The following DARS1 variants were observed in gnomAD, a reference collection of about 807,000 sequenced individuals.
The protein encoded by DARS1 is aspartyl-tRNA synthetase 1, also known as aspartate--tRNA ligase, cytoplasmic.
DARS1 carries 51 observed loss-of-function variants against 68.8 expected under a neutral mutation model. The observed-to-expected ratio is 0.74, with a 90% confidence interval of 0.59 to 0.94. The LOEUF (loss-of-function observed/expected upper bound fraction) is 0.94, where lower values mean the gene tolerates loss of function less well. Among genes scored for constraint, DARS1 ranks in the 40% least tolerant of loss-of-function variants. DARS1 has a pLI of 0.00. For missense variants in DARS1, 607 were observed against 597.3 expected (o/e 1.02, Z -0.17); for synonymous variants, 203 against 190.4 (o/e 1.07, Z -0.55).
At position 135,980,703 on chromosome 2, in the gene DARS1, T is replaced by C. The variant is rs150675561; in HGVS notation, c.125-1337A>G. On this transcript the variant is annotated intron_variant, in intron 2 of 15. Coordinates refer to ENST00000264161, the MANE Select transcript of DARS1 (RefSeq NM_001349.4). ...AGACAGACACATCAGCAGAAGATTTTAAAAGGCAGATTTGAAAATGCCAAG... is the reference window on the plus strand; with the variant it reads ...AGACAGACACATCAGCAGAAGATTTCAAAAGGCAGATTTGAAAATGCCAAG... Among the ~76,000 whole-genome samples, 821 of 152,306 alleles carry C rather than the reference T, an allele frequency of 5.4e-3. 7 individuals carry two copies. The highest frequency in any genetic ancestry group is 0.018 in the African/African-American group (762 of 41,558).
At chr2:135,966,656 C>T (rs1057208585) in intron 3 of DARS1, among the ~76,000 whole-genome samples, 4 of 152,128 alleles carry the variant, frequency 2.6e-5, no homozygotes, top group Non-Finnish European at 5.9e-5. Context: ...CTCAGTCTCT[C>T]GAGTAGCTGG....
At chr2:135,928,736 T>A (rs189388348) in intron 7 of DARS1, among the ~76,000 whole-genome samples, 27 of 150,332 alleles carry the variant, frequency 1.8e-4, no homozygotes, top group African/African-American at 6.1e-4. Context: ...AATGGCGTGA[T>A]CTTGGATCAC....
intron 9 of DARS1, 48 bp downstream of exon 9, chr2:135,922,733 ACTG>A: frequency 6.8e-7 from 1 of 1,460,020 alleles, no homozygotes; most frequent in Non-Finnish European, 9.0e-7. Context: ...TAAAATTATA[ACTG>A]CTGTATAATT....
At chr2:135,941,669 T>G (rs1438092135) in intron 5 of DARS1, among the ~76,000 whole-genome samples, 1 of 150,586 alleles carries the variant, frequency 6.6e-6, no homozygotes, top group Non-Finnish European at 1.5e-5. Flanking sequence ...GGGATCTAAT[T>G]AAACTAAAGA....
intron 9 of DARS1, among the ~76,000 whole-genome samples, chr2:135,920,810 A>G (rs543375248): frequency 1.3e-5 from 2 of 152,104 alleles, no homozygotes; most frequent in Non-Finnish European, 2.9e-5. Context: ...TAAAAGCCGT[A>G]CCAAATGTAA....
In DARS1 at chr2:135,979,148, T is replaced by C. The variant is rs1682564074; in HGVS notation, c.217+126A>G. 4.7e-6 allele frequency: 3 copies of C among 642,590 alleles called. No individual in the cohort carries two copies. In the South Asian group the frequency reaches 5.9e-5, roughly 13 times the overall value. The allele number at this position is 642,590 out of a possible 1,614,324, so 39.8% of individuals were successfully genotyped here. A position where few individuals can be genotyped will look rare whatever the true frequency, so the allele number is the denominator to read the frequency against. On this transcript the variant is annotated intron_variant, in intron 3 of 15. Coordinates refer to ENST00000264161, the MANE Select transcript of DARS1 (RefSeq NM_001349.4). Reference sequence around the variant, plus strand: ...CATGGGTTAATACTTTACAGTGACTTTTAAGAAAGAAAAGTTACATGTTTT... The same window carrying C: ...CATGGGTTAATACTTTACAGTGACTCTTAAGAAAGAAAAGTTACATGTTTT...
intron 7 of DARS1, among the ~76,000 whole-genome samples, chr2:135,928,301 T>G (rs925558706): frequency 2.0e-5 from 3 of 152,160 alleles, no homozygotes; most frequent in Non-Finnish European, 2.9e-5. Flanking sequence ...TCAGGAGAGA[T>G]AGTAGAAAAG....
intron 4 of DARS1, among the ~76,000 whole-genome samples, chr2:135,946,423 C>T (rs1681722140): frequency 6.6e-6 from 1 of 152,126 alleles, no homozygotes; most frequent in South Asian, 2.1e-4. Context: ...GTTATGGGTC[C>T]AGTGTTTATG....
At position 135,916,262 on chromosome 2, in the gene DARS1, T is replaced by TCCCTAAGCATAGCCAATG. The variant is rs1558777607; in HGVS notation, c.1052_1069dup (p.Ala351_Arg356dup). On this transcript the variant is annotated inframe_insertion, in exon 11 of 16. Coordinates refer to ENST00000264161, the MANE Select transcript of DARS1 (RefSeq NM_001349.4). ...TTCATCTCCCATTTCGACTCCAGCT[T>TCCCTAAGCATAGCCAATG]CCCTAAGCATAGCCAATGCTTCACA... The TCCCTAAGCATAGCCAATG allele has an allele frequency of 6.3e-7, 1 of 1,595,768 alleles. No homozygotes were observed. Among genetic ancestry groups the TCCCTAAGCATAGCCAATG allele is most frequent in the Admixed American group, 1.7e-5 (1 of 59,996 alleles).
chr2:135,965,603 G>A (rs1032317780), intron 3 of DARS1, among the ~76,000 whole-genome samples: 7 of 152,148 alleles, frequency 4.6e-5, no homozygotes, highest in Admixed American at 2.6e-4. Flanking sequence ...AATTAAAATC[G>A]TAAAACCGTT....
chr2:135,912,812 T>C (rs1680924424), intron 12 of DARS1, among the ~76,000 whole-genome samples: 1 of 152,070 alleles, frequency 6.6e-6, no homozygotes, highest in African/African-American at 2.4e-5. Flanking sequence ...AATTTTTTTT[T>C]TTTAAGAGAT....
intron 4 of DARS1, among the ~76,000 whole-genome samples, chr2:135,949,338 C>T (rs1681795435): frequency 6.6e-6 from 1 of 151,942 alleles, no homozygotes; most frequent in African/African-American, 2.4e-5. Context: ...CCAGGACTTC[C>T]TTTAAAAAAA....
intron 4 of DARS1, among the ~76,000 whole-genome samples, chr2:135,957,603 C>A (rs776527110): frequency 6.6e-6 from 1 of 152,120 alleles, no homozygotes; most frequent in African/African-American, 2.4e-5. Flanking sequence ...TTCAAGTGAA[C>A]GGCCCATTTT....
chr2:135,985,678 G>T, upstream of DARS1: 1 of 1,292,100 alleles, frequency 7.7e-7, no homozygotes, highest in Non-Finnish European at 1.0e-6. Flanking sequence ...GCCGCGCGCA[G>T]GGTCTCCTCC....
intron 6 of DARS1, among the ~76,000 whole-genome samples, chr2:135,933,211 T>G (rs1681392144): frequency 6.6e-6 from 1 of 152,226 alleles, no homozygotes. Flanking sequence ...GAGTAGTGGT[T>G]CTGAAAATGT....
chr2:135,915,217 T>A (rs1680979400), intron 11 of DARS1, among the ~76,000 whole-genome samples: 2 of 152,184 alleles, frequency 1.3e-5, no homozygotes, highest in African/African-American at 4.8e-5. Context: ...TGTATTGTGA[T>A]GGTTTAAAGG....
chr2:135,934,288 G>A (rs534904196), intron 5 of DARS1, among the ~76,000 whole-genome samples: 3 of 152,128 alleles, frequency 2.0e-5, no homozygotes, highest in Non-Finnish European at 2.9e-5. Context: ...AGTAATGACT[G>A]GGGTGTAGGC....
chr2:135,933,897 G>T lies in DARS1; in HGVS notation c.504+13C>A. ...ACAGCGGAAGCATAATATTTCATAA[G>T]TATAATTTTTACCTCTTCTCCTTCT... On this transcript the variant is annotated intron_variant, in intron 6 of 15. Coordinates refer to ENST00000264161, the MANE Select transcript of DARS1 (RefSeq NM_001349.4). 1 of 1,610,384 alleles carries T rather than the reference G, an allele frequency of 6.2e-7. No homozygotes were observed.
intron 3 of DARS1, 123 bp from the exon 4 acceptor site, chr2:135,961,621 C>T (rs1280665358): frequency 1.6e-6 from 1 of 622,650 alleles, no homozygotes; most frequent in East Asian, 2.9e-5. Context: ...GGCACGCATG[C>T]ATGTGTATAC....
Sources: allele counts gnomAD v4.1 joint callset (sites outside exome capture counted in the v4.1 genomes callset), GRCh38; gene constraint gnomAD v4.1.1; transcripts MANE v1.5; gene names NCBI Gene and HGNC (gene_info 2026-07-23, HGNC 2026-07-21).